Variants in PTPN14 observed in about 807,000 individuals in gnomAD.
PTPN14 encodes the protein protein tyrosine phosphatase non-receptor type 14, also known as tyrosine-protein phosphatase non-receptor type 14.
In PTPN14, 53 loss-of-function variants were observed where a neutral mutation model predicts 126.8. That is an observed-to-expected ratio of 0.42 (90% CI 0.34 to 0.53). PTPN14 has a LOEUF of 0.53. Among genes scored for constraint, PTPN14 ranks in the 20% least tolerant of loss-of-function variants. The pLI, the probability that PTPN14 is intolerant of heterozygous loss-of-function variation, is 0.08. For synonymous variants in PTPN14, 630 were observed against 599.3 expected (o/e 1.05, Z -0.75); for missense variants, 1,257 against 1,552.9 (o/e 0.81, Z 3.20).
chr1:214,545,933 C>T (rs1655957146), intron 1 of PTPN14, among the ~76,000 whole-genome samples: 1 of 151,930 alleles, frequency 6.6e-6, no homozygotes, highest in Non-Finnish European at 1.5e-5. Context: ...GGACTGGAGA[C>T]GATAGCCAAG....
rs1342738295 is a variant in PTPN14 at position 214,383,264 on chromosome 1, C to T, written c.2544+47G>A. 5.7e-6 allele frequency: 9 copies of T among 1,576,528 alleles called. No individual in the cohort carries two copies. Among genetic ancestry groups the T allele is most frequent in the African/African-American group, 1.3e-5 (1 of 74,222 alleles). Reference sequence around the variant, plus strand: ...CCTGCCCCTTGCTCAGTGCCTGAAGCATGTGCTTTCACACTGGAAAATGCC... The same window carrying T: ...CCTGCCCCTTGCTCAGTGCCTGAAGTATGTGCTTTCACACTGGAAAATGCC... On this transcript the variant is annotated intron_variant, in intron 13 of 18. Coordinates refer to ENST00000366956, the MANE Select transcript of PTPN14 (RefSeq NM_005401.5). This position sits in a 1 kb window ranked among gnomAD's most constrained non-coding sequence, Gnocchi z 4.4.
chr1:214,351,585 C>CT lies in PTPN14; in HGVS notation c.*6336dup, dbSNP rs1657709916. 1 of 152,250 alleles carries CT rather than the reference C, an allele frequency of 6.6e-6. No individual in the cohort carries two copies. The highest frequency in any genetic ancestry group is 1.5e-5 in the Non-Finnish European group (1 of 68,060). The allele number at this position is 152,250 out of a possible 1,614,324, so 9.4% of individuals were successfully genotyped here. On this transcript the variant is annotated 3_prime_UTR_variant, in exon 19 of 19. Transcript: ENST00000366956. ...GGGAGCCACATGGGTAAGCAGAATG[C>CT]TCTGCTAACAAGCAAGGCAAGGAAA...
intron 1 of PTPN14, among the ~76,000 whole-genome samples, chr1:214,486,466 G>GT (rs1216228846): frequency 2.0e-5 from 3 of 152,188 alleles, no homozygotes; most frequent in Non-Finnish European, 4.4e-5. Flanking sequence ...ATACAGCAAA[G>GT]TAAGTCTCTC....
intron 1 of PTPN14, among the ~76,000 whole-genome samples, chr1:214,490,275 T>C (rs953097835): frequency 6.6e-6 from 1 of 152,166 alleles, no homozygotes; most frequent in African/African-American, 2.4e-5. Context: ...ATAAATCTTT[T>C]CTCCCAAAAT....
intron 5 of PTPN14, among the ~76,000 whole-genome samples, chr1:214,404,400 AT>A (rs1229647254): frequency 1.3e-5 from 2 of 152,194 alleles, no homozygotes; most frequent in African/African-American, 2.4e-5. Flanking sequence ...TAAGCTCAAC[AT>A]TTTTAGTTTC....
At chr1:214,520,238 G>A (rs1338549402) in intron 1 of PTPN14, among the ~76,000 whole-genome samples, 2 of 151,812 alleles carry the variant, frequency 1.3e-5, no homozygotes, top group East Asian at 3.9e-4. Context: ...AAAAGGTTAT[G>A]AACGTCTTAT....
chr1:214,511,374 A>G (rs1654969389), intron 1 of PTPN14, among the ~76,000 whole-genome samples: 1 of 152,208 alleles, frequency 6.6e-6, no homozygotes, highest in Non-Finnish European at 1.5e-5. Context: ...AAATTGTAAA[A>G]TACAAAAGCA....
At chr1:214,535,328 A>G (rs1384444209) in intron 1 of PTPN14, among the ~76,000 whole-genome samples, 2 of 152,210 alleles carry the variant, frequency 1.3e-5, no homozygotes, top group Non-Finnish European at 1.5e-5. Context: ...GTCTGCTTCA[A>G]TGACATAAAG....
chr1:214,364,765 G>T lies in PTPN14; in HGVS notation c.3272-90C>A. The T allele has an allele frequency of 8.5e-7, 1 of 1,176,350 alleles. No homozygotes were observed. 72.9% of individuals were successfully genotyped at this position (1,176,350 alleles called of 1,614,324 possible). A position where few individuals can be genotyped will look rare whatever the true frequency, so the allele number is the denominator to read the frequency against. Reference sequence around the variant, plus strand: ...GGGGGAGCGGAAGAGAACTGATGGTGAGTGTGTGTGTGTGTGTGTGTGTGT... The same window carrying T: ...GGGGGAGCGGAAGAGAACTGATGGTTAGTGTGTGTGTGTGTGTGTGTGTGT... On this transcript the variant is annotated intron_variant, in intron 17 of 18. Coordinates refer to ENST00000366956, the MANE Select transcript of PTPN14 (RefSeq NM_005401.5). This position sits in a 1 kb window ranked among gnomAD's most constrained non-coding sequence, Gnocchi z 4.1.
intron 7 of PTPN14, among the ~76,000 whole-genome samples, chr1:214,398,212 A>G (rs895071172): frequency 2.6e-5 from 4 of 152,252 alleles, no homozygotes; most frequent in African/African-American, 9.6e-5. Context: ...GGAGAACACA[A>G]TGCTAAATGA....
intron 3 of PTPN14, among the ~76,000 whole-genome samples, chr1:214,420,289 G>C (rs1285112156): frequency 6.6e-6 from 1 of 152,218 alleles, no homozygotes; most frequent in Non-Finnish European, 1.5e-5. Flanking sequence ...GAGAAGAAAA[G>C]CATGTGCATA....
At chr1:214,514,547 C>T (rs1026589095) in intron 1 of PTPN14, among the ~76,000 whole-genome samples, 5 of 151,532 alleles carry the variant, frequency 3.3e-5, no homozygotes, top group Non-Finnish European at 4.4e-5. Flanking sequence ...TTCCCAGACT[C>T]TCTCTACTAG....
intron 2 of PTPN14, among the ~76,000 whole-genome samples, 158 bp downstream of exon 2, chr1:214,464,472 G>A (rs1183305828): frequency 2.0e-5 from 3 of 152,306 alleles, no homozygotes; most frequent in African/African-American, 7.2e-5. Flanking sequence ...GATCACAGCC[G>A]TGCTAAGAAT....
chr1:214,405,846 T>C (rs1486861306), intron 5 of PTPN14, among the ~76,000 whole-genome samples: 5 of 152,186 alleles, frequency 3.3e-5, no homozygotes, highest in Non-Finnish European at 7.3e-5. Flanking sequence ...GTTATTCTCA[T>C]TTTTAGATGA....
intron 8 of PTPN14, among the ~76,000 whole-genome samples, chr1:214,395,864 T>C (rs536253855): frequency 3.4e-3 from 520 of 152,246 alleles, no homozygotes; most frequent in South Asian, 8.5e-3. Flanking sequence ...TGGATAATAA[T>C]TTTGAGACTC....
At chr1:214,537,719 C>G (rs1438837373) in intron 1 of PTPN14, among the ~76,000 whole-genome samples, 1 of 152,208 alleles carries the variant, frequency 6.6e-6, no homozygotes, top group Non-Finnish European at 1.5e-5. Context: ...TCTCTAACTA[C>G]TTTTCCTTCA....
intron 12 of PTPN14, 125 bp downstream of exon 12, chr1:214,386,719 G>T: frequency 9.6e-7 from 1 of 1,043,362 alleles, no homozygotes; most frequent in Non-Finnish European, 1.4e-6. Flanking sequence ...GTTAGCTACT[G>T]TCATTCAGAC....
At chr1:214,501,599 C>T (rs1368420704) in intron 1 of PTPN14, among the ~76,000 whole-genome samples, 2 of 152,102 alleles carry the variant, frequency 1.3e-5, no homozygotes, top group Admixed American at 6.5e-5. Flanking sequence ...AGAGGTAACC[C>T]TATGCCTCTC....
chr1:214,428,130 G>A (rs147147441), intron 3 of PTPN14, among the ~76,000 whole-genome samples: 2 of 152,214 alleles, frequency 1.3e-5, no homozygotes, highest in South Asian at 4.1e-4. Flanking sequence ...ACTGGGAGGG[G>A]CAAGGGTGGA....
Sources: allele counts gnomAD v4.1 joint callset (sites outside exome capture counted in the v4.1 genomes callset), GRCh38; gene constraint gnomAD v4.1.1; non-coding constraint Gnocchi (gnomAD v3.1); transcripts MANE v1.5; gene names NCBI Gene and HGNC (gene_info 2026-07-23, HGNC 2026-07-21).